The following FTSJ1 variants were observed in gnomAD, a reference collection of about 807,000 sequenced individuals.
The protein encoded by FTSJ1 is tRNA (cytidine(32)/guanosine(34)-2'-O)-methyltransferase.
In FTSJ1, 3 loss-of-function variants were observed where a neutral mutation model predicts 28.5. The observed-to-expected ratio is 0.11, with a 90% CI of 0.05 to 0.27. The LOEUF (loss-of-function observed/expected upper bound fraction) is 0.27, where lower values mean the gene tolerates loss of function less well. Ranked by LOEUF, FTSJ1 falls within the 10% of genes least tolerant of loss-of-function variation. The pLI is 1.00. For missense variants in FTSJ1, 162 were observed against 279.0 expected (o/e 0.58, Z 2.99); for synonymous variants, 104 against 113.9 (o/e 0.91, Z 0.55).
At position 48,478,002 on chromosome X, in the gene FTSJ1, G is replaced by T; in HGVS notation, c.-46G>T. The T allele has an allele frequency of 8.3e-7, 1 of 1,210,058 alleles. No homozygotes were observed. The highest frequency in any genetic ancestry group is 1.1e-6 in the Non-Finnish European group (1 of 894,341). ...ATTCATCTGGTTACTGATACTGGCC[G>T]GCATCAGTGGACTGTCGGCAGGTCC... On this transcript the variant is annotated 5_prime_UTR_variant, in exon 2 of 13. Coordinates refer to ENST00000348411, the MANE Select transcript of FTSJ1 (RefSeq NM_012280.4).
chrX:48,481,084 T>A, intron 5 of FTSJ1, 67 bp from the exon 6 acceptor site: 1 of 939,579 alleles, frequency 1.1e-6, no homozygotes, highest in Non-Finnish European at 1.5e-6. Context: ...TAGTGTCTGA[T>A]CTGTGTGGTA....
At chrX:48,478,794 G>A in intron 4 of FTSJ1, 87 bp downstream of exon 4, 1 of 667,034 alleles carries the variant, frequency 1.5e-6, no homozygotes, top group Non-Finnish European at 2.4e-6. Flanking sequence ...AAACAGAGAG[G>A]TGATAGAAAC....
chrX:48,481,844 G>A (rs2061572011), intron 9 of FTSJ1, 129 bp downstream of exon 9: 1 of 528,353 alleles, frequency 1.9e-6, no homozygotes, highest in Non-Finnish European at 3.4e-6. Context: ...TTTCCCAAGG[G>A]GATCCTTAGC....
chrX:48,478,736 A>G, intron 4 of FTSJ1, 29 bp downstream of exon 4: 2 of 1,058,142 alleles, frequency 1.9e-6, no homozygotes, highest in Non-Finnish European at 2.6e-6. Flanking sequence ...GTGTTGGGGT[A>G]TATCCTGGGT....
At position 48,485,818 on chromosome X, in the gene FTSJ1, T is replaced by C. The variant is rs782307105; in HGVS notation, c.*92T>C. 1 of 112,760 alleles carries C rather than the reference T, an allele frequency of 8.9e-6. No individual in the cohort carries two copies. Among genetic ancestry groups the C allele is most frequent in the East Asian group, 2.7e-4 (1 of 3,643 alleles). 9.3% of individuals were successfully genotyped at this position (112,760 alleles called of 1,213,427 possible). On this transcript the variant is annotated 3_prime_UTR_variant, in exon 13 of 13. Coordinates refer to ENST00000348411, the MANE Select transcript of FTSJ1 (RefSeq NM_012280.4). The stretch of plus-strand genomic sequence containing the variant: ...ATGAACTTGTTTTCAAAATATCATC[T>C]CATCAACGAGGCCTGGACAAACAAG...
intron 12 of FTSJ1, 90 bp downstream of exon 12, chrX:48,483,117 A>C: frequency 1.5e-6 from 1 of 688,709 alleles, no homozygotes; most frequent in East Asian, 3.2e-5. Context: ...TTTTATGTCA[A>C]CTGATAAGAT....
In FTSJ1 at chrX:48,481,474, T is replaced by G; in HGVS notation, c.517T>G (p.Phe173Val). The change falls in exon 8 of 13, where the codon TTC (phenylalanine) becomes GTC (valine). Residue 173 changes from phenylalanine to valine, a missense_variant. Transcript: ENST00000348411. Reference protein sequence around the residue: ...VTLLYSQLQVFFSSVLCAKPR... With the variant: ...VTLLYSQLQVVFSSVLCAKPR... ...GCTCCTCTACAGCCAGCTGCAGGTC[T>G]TCTTCTCCAGCGTGCTGTGTGCCAA... 8 of 1,211,922 alleles carry G rather than the reference T, an allele frequency of 6.6e-6. No individual in the cohort carries two copies. The highest frequency in any genetic ancestry group is 8.9e-6 in the Non-Finnish European group (8 of 895,298).
Position 48,478,042 on chromosome X carries a change from T to A in FTSJ1, c.-6T>A. On this transcript the variant is annotated 5_prime_UTR_variant, in exon 2 of 13. Transcript: ENST00000348411. ...TCGGCAGGTCCTTGAGCAACTGGTG[T>A]GTGAAATGGGACGGACGTCAAAGGA... The A allele has an allele frequency of 8.3e-7, 1 of 1,211,220 alleles. No individual in the cohort carries two copies. Among genetic ancestry groups the A allele is most frequent in the Non-Finnish European group, 1.1e-6 (1 of 895,114 alleles).
At chrX:48,482,852 C>T in intron 11 of FTSJ1, 58 bp downstream of exon 11, 2 of 1,206,451 alleles carry the variant, frequency 1.7e-6, no homozygotes, top group Non-Finnish European at 2.2e-6. Flanking sequence ...CTTTTTCTGA[C>T]CCAAATCTCA....
intron 12 of FTSJ1, among the ~76,000 whole-genome samples, chrX:48,484,219 C>A: frequency 9.2e-6 from 1 of 108,712 alleles, no homozygotes; most frequent in African/African-American, 3.4e-5. Flanking sequence ...ACAGTGCCCG[C>A]CACTATGCAT....
rs2061599493 is a variant in FTSJ1, at chrX:48,485,863, A to G, written c.*137A>G. The G allele has an allele frequency of 8.9e-6, 1 of 112,262 alleles. No individual in the cohort carries two copies. Among genetic ancestry groups the G allele is most frequent in the Non-Finnish European group, 1.9e-5 (1 of 53,303 alleles). The allele number at this position is 112,262 out of a possible 1,213,427, so 9.3% of individuals were successfully genotyped here. ...AACAAGCCCTGAGGAGGGATCTGCAACAACCCTGAAGACAACAAGGAAAGA... is the reference window on the plus strand; with the variant it reads ...AACAAGCCCTGAGGAGGGATCTGCAGCAACCCTGAAGACAACAAGGAAAGA... On this transcript the variant is annotated 3_prime_UTR_variant, in exon 13 of 13. Transcript: ENST00000348411.
intron 12 of FTSJ1, among the ~76,000 whole-genome samples, chrX:48,485,357 A>G (rs2061596003): frequency 1.8e-5 from 2 of 112,021 alleles, no homozygotes; most frequent in Non-Finnish European, 3.8e-5. Flanking sequence ...TGCCCATTAA[A>G]TCGTGGTACA....
chrX:48,478,804 CAGAG>C, intron 4 of FTSJ1, 97 bp downstream of exon 4: 3 of 631,739 alleles, frequency 4.7e-6, no homozygotes, highest in South Asian at 2.4e-5. Flanking sequence ...GTGATAGAAA[CAGAG>C]AGAGAAAGAG....
chrX:48,485,162 C>T (rs191857678), intron 12 of FTSJ1, among the ~76,000 whole-genome samples: 71 of 111,594 alleles, frequency 6.4e-4, no homozygotes, highest in African/African-American at 2.0e-3. Flanking sequence ...GGCATGGTGG[C>T]GGGCACCTGT....
rs781866337 is a variant in FTSJ1 at position 48,480,482 on chromosome X, G to A, written c.362-669G>A. Among the ~76,000 whole-genome samples the A allele has an allele frequency of 2.7e-5, 3 of 109,975 alleles. No individual in the cohort carries two copies. The East Asian group carries it at 8.7e-4, about 32-fold the overall frequency. The stretch of plus-strand genomic sequence containing the variant: ...CAGGGGACAGATCCTATAGGGCCTC[G>A]TGGGCCATGGTGAGGCTGTTGGCAT... On this transcript the variant is annotated intron_variant, in intron 5 of 12. Coordinates refer to ENST00000348411, the MANE Select transcript of FTSJ1 (RefSeq NM_012280.4).
chrX:48,480,470 C>A (rs1384776045), intron 5 of FTSJ1, among the ~76,000 whole-genome samples: 1 of 109,510 alleles, frequency 9.1e-6, no homozygotes, highest in Non-Finnish European at 1.9e-5. Context: ...GGGACAGATC[C>A]TATAGGGCCT....
At chrX:48,479,527 T>C (rs1207371005) in intron 5 of FTSJ1, among the ~76,000 whole-genome samples, 1 of 111,046 alleles carries the variant, frequency 9.0e-6, no homozygotes, top group Non-Finnish European at 1.9e-5. Flanking sequence ...TGGGAGCAAA[T>C]GGGAAAGAAA....
At position 48,481,446 on chromosome X, in the gene FTSJ1, G is replaced by T. The variant is rs782167486; in HGVS notation, c.489G>T (p.Val163=). Residue 163 remains valine (V), a synonymous_variant, in exon 8 of 13, where the codon GTG becomes GTT. Transcript: ENST00000348411. ...FVAKIFRGRD[V]TLLYSQLQVF... ...TGCAGATATTCCGAGGCCGGGATGTGACGCTCCTCTACAGCCAGCTGCAGG... is the reference window on the plus strand; with the variant it reads ...TGCAGATATTCCGAGGCCGGGATGTTACGCTCCTCTACAGCCAGCTGCAGG... The T allele has an allele frequency of 2.5e-6, 3 of 1,211,917 alleles. No homozygotes were observed. In the East Asian group the frequency reaches 8.9e-5, roughly 36 times the overall value.
chrX:48,478,437 A>G lies in FTSJ1; in HGVS notation c.122-12A>G. The G allele has an allele frequency of 1.7e-6, 2 of 1,204,888 alleles. No homozygotes were observed. Among genetic ancestry groups the G allele is most frequent in the Non-Finnish European group, 2.2e-6 (2 of 890,494 alleles). On this transcript the variant is annotated splice_polypyrimidine_tract_variant and intron_variant, in intron 2 of 12. Coordinates refer to ENST00000348411, the MANE Select transcript of FTSJ1 (RefSeq NM_012280.4). ...TGCAGCTGATCAGGATGCTTTCACTATGTATGCCCAGGCGTGACACGGGCA... is the reference window on the plus strand; with the variant it reads ...TGCAGCTGATCAGGATGCTTTCACTGTGTATGCCCAGGCGTGACACGGGCA...
Sources: allele counts gnomAD v4.1 joint callset (sites outside exome capture counted in the v4.1 genomes callset), GRCh38; gene constraint gnomAD v4.1.1; transcripts MANE v1.5; gene names NCBI Gene and HGNC (gene_info 2026-07-23, HGNC 2026-07-21).